Variants in ELL2 observed in about 807,000 individuals in gnomAD.
The protein encoded by ELL2 is RNA polymerase II elongation factor ELL2.
ELL2 carries 21 observed loss-of-function variants against 72.8 expected under a neutral mutation model. That is an observed-to-expected ratio of 0.29 (90% CI 0.20 to 0.42). The LOEUF is 0.42. Ranked by LOEUF, ELL2 falls within the 10% of genes least tolerant of loss-of-function variation. The pLI, the probability that ELL2 is intolerant of heterozygous loss-of-function variation, is 1.00. For missense variants in ELL2, 568 were observed against 772.8 expected, an observed-to-expected ratio of 0.73 and a Z score of 3.14; for synonymous variants, 266 against 283.2, an observed-to-expected ratio of 0.94 and a Z score of 0.61.
chr5:95,928,855 T>C (rs980701103), intron 2 of ELL2, among the ~76,000 whole-genome samples: 1 of 152,194 alleles, frequency 6.6e-6, no homozygotes, highest in Non-Finnish European at 1.5e-5. Flanking sequence ...TTCCTACTAC[T>C]TATGAGTAGT....
At chr5:95,933,739 T>C (rs1037948685) in intron 2 of ELL2, among the ~76,000 whole-genome samples, 1 of 152,058 alleles carries the variant, frequency 6.6e-6, no homozygotes, top group Non-Finnish European at 1.5e-5. Flanking sequence ...TTTTAGGTTA[T>C]CACTGATACT....
chr5:95,913,850 T>C lies in ELL2; in HGVS notation c.402A>G (p.Thr134=), dbSNP rs1234899373. The change falls in exon 4 of 12, where the codon ACA becomes ACG. Residue 134 remains threonine, a synonymous_variant. Transcript: ENST00000237853. ...VCATNDSYQM[T]RERMTQAEEE... is the part of the protein sequence containing the mutation. Reference sequence around the variant, plus strand: ...CCTCTGCCTGGGTCATTCTTTCTCGTGTCATCTGATACGAGTCGTTTGTTG... The same window carrying C: ...CCTCTGCCTGGGTCATTCTTTCTCGCGTCATCTGATACGAGTCGTTTGTTG... 2 of 1,613,584 alleles carry C rather than the reference T, an allele frequency of 1.2e-6. No homozygotes were observed. The highest frequency in any genetic ancestry group is 1.7e-6 in the Non-Finnish European group (2 of 1,179,838).
At chr5:95,941,127 C>A (rs1004229757) in intron 2 of ELL2, among the ~76,000 whole-genome samples, 14 of 152,118 alleles carry the variant, frequency 9.2e-5, no homozygotes, top group Non-Finnish European at 1.2e-4. Context: ...TATAGTACCT[C>A]CACTCCTCAT....
At position 95,921,123 on chromosome 5, in the gene ELL2, TG is replaced by T. The variant is rs542585718; in HGVS notation, c.196-1579del. On this transcript the variant is annotated intron_variant, in intron 2 of 11. Transcript: ENST00000237853. Reference sequence around the variant, plus strand: ...TCCTGCCTTCCCTTCCTCCCAACCCTGGAAAAAGGTAAAAAGAAAAAAAGGT... The same window carrying T: ...TCCTGCCTTCCCTTCCTCCCAACCCTGAAAAAGGTAAAAAGAAAAAAAGGT... Among the ~76,000 whole-genome samples the T allele has an allele frequency of 2.6e-5, 4 of 151,920 alleles. No individual in the cohort carries two copies. The South Asian group carries it at 8.3e-4, about 32-fold the overall frequency.
chr5:95,890,964 A>G (rs774063797), intron 10 of ELL2, 139 bp downstream of exon 10: 5 of 929,834 alleles, frequency 5.4e-6, no homozygotes, highest in African/African-American at 1.6e-5. Flanking sequence ...TCAAATATTT[A>G]GTTTCCTAAA....
intron 1 of ELL2, among the ~76,000 whole-genome samples, chr5:95,947,157 G>A (rs147297544): frequency 2.5e-4 from 38 of 151,944 alleles, no homozygotes; most frequent in African/African-American, 8.2e-4. Flanking sequence ...TGATACAGGA[G>A]TCTTAGGCAT....
intron 2 of ELL2, among the ~76,000 whole-genome samples, chr5:95,934,617 A>C (rs1044726223): frequency 5.3e-5 from 8 of 152,196 alleles, no homozygotes; most frequent in Admixed American, 2.6e-4. Context: ...AGACAGAGAG[A>C]AAACTTTCTT....
Position 95,900,744 on chromosome 5 carries a change from G to A in ELL2, c.903C>T (p.Ser301=). ...LNPSQNAAGT[S]RSESPVCSSR... ...TAGAACATACAGGAGATTCTGAACG[G>A]CTGGTGCCTGCAGCATTCTGAGACG... The change falls in exon 7 of 12, where the codon AGC becomes AGT. Residue 301 remains serine (S), a synonymous_variant. Transcript: ENST00000237853. The A allele has an allele frequency of 6.2e-7, 1 of 1,609,776 alleles. No individual in the cohort carries two copies. The highest frequency in any genetic ancestry group is 8.5e-7 in the Non-Finnish European group (1 of 1,178,168).
At position 95,928,701 on chromosome 5, in the gene ELL2, G is replaced by A. The variant is rs539538080; in HGVS notation, c.196-9156C>T. ...CTTTTGCTTGGACAACTTGGTTTTC[G>A]ACCTCCACTTTTGAACCATTCTCAA... On this transcript the variant is annotated intron_variant, in intron 2 of 11. Transcript: ENST00000237853. Among the ~76,000 whole-genome samples, 3 of 152,094 alleles carry A rather than the reference G, an allele frequency of 2.0e-5. No homozygotes were observed. In the South Asian group the frequency reaches 6.2e-4, roughly 32 times the overall value.
chr5:95,915,831 A>G (rs1749772902), intron 3 of ELL2, among the ~76,000 whole-genome samples: 2 of 152,164 alleles, frequency 1.3e-5, no homozygotes, highest in South Asian at 4.1e-4. Context: ...GGGAAGGACA[A>G]TTACAGCTGA....
At chr5:95,920,342 G>A (rs900868768) in intron 2 of ELL2, among the ~76,000 whole-genome samples, 1 of 145,438 alleles carries the variant, frequency 6.9e-6, no homozygotes, top group South Asian at 2.2e-4. Flanking sequence ...ACGGAGTCTC[G>A]CTCTGTTGCC....
intron 9 of ELL2, among the ~76,000 whole-genome samples, chr5:95,895,212 T>C (rs566393384): frequency 2.8e-4 from 43 of 152,396 alleles, no homozygotes; most frequent in Admixed American, 1.3e-3. Context: ...AATCAATCTA[T>C]CTTTACACTT....
At chr5:95,906,372 T>C in intron 5 of ELL2, 151 bp downstream of exon 5, 1 of 676,470 alleles carries the variant, frequency 1.5e-6, no homozygotes, top group Non-Finnish European at 2.2e-6. Context: ...TTTAACTTAA[T>C]ATTCAGGAGT....
At chr5:95,960,510 G>A (rs895942089) in intron 1 of ELL2, among the ~76,000 whole-genome samples, 2 of 151,938 alleles carry the variant, frequency 1.3e-5, no homozygotes, top group South Asian at 4.2e-4. Context: ...TGTACTGGAG[G>A]GGTGTGTGTG....
intron 3 of ELL2, among the ~76,000 whole-genome samples, chr5:95,915,428 T>C (rs1197492134): frequency 2.0e-5 from 3 of 152,212 alleles, no homozygotes; most frequent in Non-Finnish European, 2.9e-5. Flanking sequence ...TGCTAATAAC[T>C]GTCTTTACAA....
chr5:95,890,007 C>A (rs1010905377), intron 10 of ELL2, among the ~76,000 whole-genome samples: 1 of 152,126 alleles, frequency 6.6e-6, no homozygotes, highest in Non-Finnish European at 1.5e-5. Context: ...CAATGATTAT[C>A]CCATTTTATG....
chr5:95,957,019 T>C (rs945343751), intron 1 of ELL2, among the ~76,000 whole-genome samples: 6 of 152,224 alleles, frequency 3.9e-5, no homozygotes, highest in African/African-American at 1.4e-4. Context: ...TCTTCAGGGA[T>C]AGAGCAGGAG....
chr5:95,895,366 C>T (rs1748826423), intron 9 of ELL2, among the ~76,000 whole-genome samples: 1 of 152,218 alleles, frequency 6.6e-6, no homozygotes. Flanking sequence ...AATGCTTAGC[C>T]TGGCCCCAGA....
chr5:95,943,022 G>A lies in ELL2; in HGVS notation c.175C>T (p.Gln59Ter). 1 of 1,600,246 alleles carries A rather than the reference G, an allele frequency of 6.2e-7. No homozygotes were observed. Among genetic ancestry groups the A allele is most frequent in the Non-Finnish European group, 8.5e-7 (1 of 1,173,104 alleles). Residue 59 changes from glutamine (Q) to a stop codon, truncating the protein, a stop_gained, in exon 2 of 12, where the codon CAG (glutamine) becomes TAG (stop). Transcript: ENST00000237853. LOFTEE classifies it high-confidence loss of function. ...CTCACCCCGTGGAGTCCTTGGAACT[G>A]GATTGAAGGTCGAAAAGGAATTAAA... ...KNLIPFRPSI[Q>*]FQGLHGLVKI... is the part of the protein sequence containing the mutation.
Sources: gnomAD v4.1 joint callset for allele counts (sites outside exome capture counted in the v4.1 genomes callset) on GRCh38, gnomAD v4.1.1 for gene constraint, MANE v1.5 for transcripts, NCBI Gene and HGNC (gene_info 2026-07-23, HGNC 2026-07-21) for gene names.